Variants in GPM6B observed in about 807,000 individuals in gnomAD.
The protein encoded by GPM6B is neuronal membrane glycoprotein M6-b.
GPM6B carries 4 observed loss-of-function variants against 27.2 expected under a neutral mutation model. The observed-to-expected ratio is 0.15, with a 90% CI of 0.07 to 0.34. The LOEUF (loss-of-function observed/expected upper bound fraction) is 0.34. Ranked by LOEUF, GPM6B falls within the 10% of genes least tolerant of loss-of-function variation. The pLI, the probability that GPM6B is intolerant of heterozygous loss-of-function variation, is 1.00. For synonymous variants in GPM6B, 124 were observed against 103.1 expected, an observed-to-expected ratio of 1.20 and a Z score of -1.23; for missense variants, 183 against 261.9, an observed-to-expected ratio of 0.70 and a Z score of 2.08.
At chrX:13,872,966 T>C (rs1039913470) in intron 1 of GPM6B, among the ~76,000 whole-genome samples, 3 of 110,720 alleles carry the variant, frequency 2.7e-5, no homozygotes, top group African/African-American at 6.6e-5. Context: ...GTCTCGACCC[T>C]AGTGAAGAGG....
intron 1 of GPM6B, among the ~76,000 whole-genome samples, chrX:13,874,948 C>G (rs756561009): frequency 1.5e-4 from 14 of 94,816 alleles, no homozygotes; most frequent in Admixed American, 1.4e-3. Context: ...CCCCCCCCCA[C>G]CCCCGCTTCA....
chrX:13,934,558 G>C (rs1040440585), intron 1 of GPM6B, among the ~76,000 whole-genome samples: 1 of 111,740 alleles, frequency 8.9e-6, no homozygotes, highest in African/African-American at 3.3e-5. Context: ...AGTTCCCTTG[G>C]AGAAGAGCCA....
chrX:13,788,381 G>C (rs745988996), intron 2 of GPM6B, among the ~76,000 whole-genome samples: 2 of 109,423 alleles, frequency 1.8e-5, no homozygotes, highest in Admixed American at 1.0e-4. Flanking sequence ...AGAGCCAGTG[G>C]AAAGAGAGTG....
rs189336796 is a variant in GPM6B, at chrX:13,884,845, G to A, written c.-198+53482C>T. 8.1e-3 allele frequency among the ~76,000 whole-genome samples: 908 copies of A among 111,890 alleles called. 6 individuals are homozygous for A. Among genetic ancestry groups the A allele is most frequent in the Non-Finnish European group, 0.013 (705 of 53,184 alleles). On this transcript the variant is annotated intron_variant, in intron 1 of 6. Transcript: ENST00000398361. ...AAAGATGCAAATAAATGTGACAGAAGGAAACATACAACCTCTAGCTTGTGT... is the reference window on the plus strand; with the variant it reads ...AAAGATGCAAATAAATGTGACAGAAAGAAACATACAACCTCTAGCTTGTGT...
At chrX:13,886,646 G>C (rs1227554456) in intron 1 of GPM6B, among the ~76,000 whole-genome samples, 1 of 92,864 alleles carries the variant, frequency 1.1e-5, no homozygotes, top group Non-Finnish European at 2.0e-5. Context: ...CCCTGAACAG[G>C]ACTGACCATC....
At chrX:13,864,319 T>C (rs921505482) in intron 1 of GPM6B, among the ~76,000 whole-genome samples, 3 of 112,670 alleles carry the variant, frequency 2.7e-5, no homozygotes, top group African/African-American at 9.7e-5. Context: ...TTGCCTAGCA[T>C]TGCTGCCAAT....
chrX:13,910,437 G>A (rs1219238273), intron 1 of GPM6B, among the ~76,000 whole-genome samples: 1 of 113,001 alleles, frequency 8.8e-6, no homozygotes, highest in East Asian at 2.8e-4. Context: ...AAGGAAGACC[G>A]TTGATGACTA....
At chrX:13,853,102 C>A (rs954342472) in intron 1 of GPM6B, among the ~76,000 whole-genome samples, 7 of 111,173 alleles carry the variant, frequency 6.3e-5, no homozygotes, top group Non-Finnish European at 9.4e-5. Context: ...TTCGTACTCC[C>A]ACCAGAAGCA....
intron 1 of GPM6B, among the ~76,000 whole-genome samples, chrX:13,933,705 G>A (rs190344855): frequency 1.7e-4 from 19 of 112,058 alleles, no homozygotes; most frequent in Admixed American, 4.7e-4. Context: ...AGTTGCAAAA[G>A]TAAGTACGGG....
chrX:13,845,295 G>A (rs1353059341), intron 1 of GPM6B, among the ~76,000 whole-genome samples: 1 of 109,605 alleles, frequency 9.1e-6, no homozygotes, highest in Non-Finnish European at 1.9e-5. Flanking sequence ...TGGCCAGAAT[G>A]TTTTCTTTTC....
In GPM6B at chrX:13,886,100, A is replaced by T. The variant is rs374482830; in HGVS notation, c.-198+52227T>A. ...TTGACCTATCTACCACTTTCTCCTG[A>T]TTCTACAACACCTAAGCATAAAACA... On this transcript the variant is annotated intron_variant, in intron 1 of 6. Transcript: ENST00000398361. Among the ~76,000 whole-genome samples the T allele has an allele frequency of 1.3e-4, 15 of 112,423 alleles. No homozygotes were observed. The South Asian group carries it at 5.6e-3, about 42-fold the overall frequency.
rs146905109 is a variant in GPM6B, at chrX:13,889,144, T to C, written c.-198+49183A>G. On this transcript the variant is annotated intron_variant, in intron 1 of 6. Coordinates refer to the GPM6B transcript ENST00000398361. Reference sequence around the variant, plus strand: ...AACCTGAATCCTTGTGATGTGGCCATTAATAATTATAAAACTACTCCAGGT... The same window carrying C: ...AACCTGAATCCTTGTGATGTGGCCACTAATAATTATAAAACTACTCCAGGT... The C allele has an allele frequency of 2.7e-4, 30 of 110,626 alleles. No individual in the cohort carries two copies. In the East Asian group the frequency reaches 8.4e-3, roughly 31 times the overall value. The allele number at this position is 110,626 out of a possible 1,213,427, so 9.1% of individuals were successfully genotyped here. A position where few individuals can be genotyped will look rare whatever the true frequency, so the allele number is the denominator to read the frequency against.
intron 1 of GPM6B, among the ~76,000 whole-genome samples, chrX:13,920,129 G>A (rs1920952558): frequency 9.2e-6 from 1 of 108,847 alleles, no homozygotes; most frequent in African/African-American, 3.4e-5. Flanking sequence ...CAGGCGTGGT[G>A]GCACGCACCT....
intron 1 of GPM6B, among the ~76,000 whole-genome samples, chrX:13,825,054 C>G (rs771692184): frequency 3.6e-5 from 4 of 112,012 alleles, no homozygotes; most frequent in Non-Finnish European, 7.5e-5. Flanking sequence ...TGTGTCTCTT[C>G]TTATAAGGAC....
intron 1 of GPM6B, among the ~76,000 whole-genome samples, chrX:13,850,421 AG>A (rs2049701434): frequency 8.9e-6 from 1 of 112,771 alleles, no homozygotes; most frequent in Non-Finnish European, 1.9e-5. Flanking sequence ...TACAGTCTCC[AG>A]AACTGTGAGT....
chrX:13,890,666 G>A (rs2050180597), intron 1 of GPM6B, among the ~76,000 whole-genome samples: 1 of 110,947 alleles, frequency 9.0e-6, no homozygotes, highest in Non-Finnish European at 1.9e-5. Context: ...GGGAGCTGTT[G>A]CACTGTAGGA....
At chrX:13,900,747 C>T (rs763477234) in intron 1 of GPM6B, among the ~76,000 whole-genome samples, 4 of 111,942 alleles carry the variant, frequency 3.6e-5, no homozygotes, top group South Asian at 3.8e-4. Flanking sequence ...CTAAAAAAAG[C>T]GGGATCTATT....
At chrX:13,817,370 T>C, upstream of GPM6B, 8 of 752,883 alleles carry the variant, frequency 1.1e-5, no homozygotes, top group Non-Finnish European at 1.1e-5. Flanking sequence ...GAATGCTAAT[T>C]AATTCTCCCA....
intron 1 of GPM6B, among the ~76,000 whole-genome samples, chrX:13,861,708 T>C (rs2049855192): frequency 8.9e-6 from 1 of 112,056 alleles, no homozygotes; most frequent in African/African-American, 3.2e-5. Flanking sequence ...AGTCTTCTAA[T>C]TAATTTGTTA....
Sources: gnomAD v4.1 joint callset for allele counts (sites outside exome capture counted in the v4.1 genomes callset) on GRCh38, gnomAD v4.1.1 for gene constraint, MANE v1.5 for transcripts, NCBI Gene and HGNC (gene_info 2026-07-23, HGNC 2026-07-21) for gene names.